Variants in EXOC2 observed in about 807,000 individuals in gnomAD.
EXOC2 encodes the protein SEC5-like 1.
EXOC2 carries 70 observed loss-of-function variants against 131.8 expected under a neutral mutation model. The observed-to-expected ratio is 0.53, with a 90% CI of 0.44 to 0.65. EXOC2 has a LOEUF of 0.65. Among genes scored for constraint, EXOC2 ranks in the 30% least tolerant of loss-of-function variants. EXOC2 has a pLI of 0.00. For synonymous variants in EXOC2, 411 were observed against 398.4 expected (o/e 1.03, Z -0.38); for missense variants, 923 against 1,108.6 (o/e 0.83, Z 2.38).
intron 1 of EXOC2, among the ~76,000 whole-genome samples, chr6:674,578 C>T (rs1421281322): frequency 6.6e-6 from 1 of 152,012 alleles, no homozygotes; most frequent in Admixed American, 6.6e-5. Context: ...AAGGCTTTTT[C>T]TCATACTCTT....
intron 17 of EXOC2, 117 bp downstream of exon 17, chr6:562,667 A>G: frequency 1.7e-6 from 1 of 585,084 alleles, no homozygotes; most frequent in East Asian, 3.3e-5. Flanking sequence ...ACCTTTAAGA[A>G]GCTTCTATTT....
intron 2 of EXOC2, among the ~76,000 whole-genome samples, chr6:634,538 C>T (rs963522812): frequency 1.3e-5 from 2 of 152,170 alleles, no homozygotes; most frequent in Non-Finnish European, 1.5e-5. Context: ...AAAGTCAAAT[C>T]ATCTTTTGTT....
chr6:518,652 T>G (rs1281222530), intron 23 of EXOC2, among the ~76,000 whole-genome samples: 1 of 152,136 alleles, frequency 6.6e-6, no homozygotes, highest in East Asian at 1.9e-4. Flanking sequence ...CCTAAAGCAT[T>G]GGACAAATGG....
chr6:546,482 A>T (rs79738740), intron 22 of EXOC2, among the ~76,000 whole-genome samples: 4,316 of 152,252 alleles, frequency 0.028, 211 homozygotes, highest in African/African-American at 0.1. Context: ...TCCTATTTTC[A>T]TTTCTTTGGT....
Position 501,014 on chromosome 6 carries a change from G to C in EXOC2, c.2381-1314C>G, listed in dbSNP as rs1455291874. On this transcript the variant is annotated intron_variant, in intron 23 of 27. Transcript: ENST00000230449. ...ATACAGATCAATATCAAGGGCATAG[G>C]TATATATCGAGATATATATAGAGAC... Among the ~76,000 whole-genome samples, 3 of 142,894 alleles carry C rather than the reference G, an allele frequency of 2.1e-5. No individual in the cohort carries two copies. The East Asian group carries it at 6.0e-4, about 29-fold the overall frequency. 93.7% of individuals were successfully genotyped at this position (142,894 alleles called of 152,430 possible).
At chr6:569,070 T>C (rs996760554) in intron 13 of EXOC2, among the ~76,000 whole-genome samples, 1 of 152,248 alleles carries the variant, frequency 6.6e-6, no homozygotes, top group Non-Finnish European at 1.5e-5. Context: ...AAGTTTGCCC[T>C]ATTTTTAAAA....
intron 23 of EXOC2, among the ~76,000 whole-genome samples, chr6:500,390 T>C (rs896274761): frequency 6.6e-6 from 1 of 152,166 alleles, no homozygotes; most frequent in African/African-American, 2.4e-5. Context: ...ACACACAGGA[T>C]TTAAGAATGT....
At chr6:685,869 C>CTTTTTTTTTTTTTTTTTTTTTTTTTTTT (rs58892194) in intron 1 of EXOC2, among the ~76,000 whole-genome samples, 3 of 98,238 alleles carry the variant, frequency 3.1e-5, no homozygotes, top group Non-Finnish European at 4.1e-5. Flanking sequence ...TCCTGGACCT[C>CTTTTTTTTTTTTTTTTTTTTTTTTTTTT]TTTTTTTTTT....
At chr6:548,938 T>C (rs1004433150) in intron 22 of EXOC2, among the ~76,000 whole-genome samples, 6 of 152,174 alleles carry the variant, frequency 3.9e-5, no homozygotes, top group Admixed American at 1.3e-4. Flanking sequence ...AGCTGTAACC[T>C]TGAGGGAGCT....
At chr6:674,348 CTTAT>C (rs869310165) in intron 1 of EXOC2, among the ~76,000 whole-genome samples, 1 of 151,780 alleles carries the variant, frequency 6.6e-6, no homozygotes, top group East Asian at 1.9e-4. Context: ...TTGGAAGTGA[CTTAT>C]TTATTTACTC....
At chr6:602,927 A>G (rs1304832240) in intron 7 of EXOC2, among the ~76,000 whole-genome samples, 1 of 152,238 alleles carries the variant, frequency 6.6e-6, no homozygotes, top group Non-Finnish European at 1.5e-5. Context: ...TAACAACGGA[A>G]CAAACATCTT....
intron 21 of EXOC2, among the ~76,000 whole-genome samples, chr6:551,920 A>C (rs1757163510): frequency 6.6e-6 from 1 of 152,142 alleles, no homozygotes; most frequent in Admixed American, 6.5e-5. Flanking sequence ...TGGCACCCTC[A>C]ACATTATTTT....
In EXOC2 at chr6:629,827, G is replaced by T. The variant is rs1220631500; in HGVS notation, c.422+8C>A. The T allele has an allele frequency of 6.2e-7, 1 of 1,612,818 alleles. No individual in the cohort carries two copies. Among genetic ancestry groups the T allele is most frequent in the Admixed American group, 1.7e-5 (1 of 59,774 alleles). Reference sequence around the variant, plus strand: ...AATAAAGAAGACTGAAAGCAAGATGGTACTCACTTTTCAATCTCAATGCCA... The same window carrying T: ...AATAAAGAAGACTGAAAGCAAGATGTTACTCACTTTTCAATCTCAATGCCA... On this transcript the variant is annotated splice_region_variant and intron_variant, in intron 4 of 27. Transcript: ENST00000230449.
intron 4 of EXOC2, among the ~76,000 whole-genome samples, chr6:629,091 A>G (rs532773018): frequency 6.6e-6 from 1 of 152,298 alleles, no homozygotes; most frequent in Admixed American, 6.5e-5. Context: ...AGATTATTGG[A>G]GAATTTTCCC....
chr6:656,713 T>G (rs1763124503), intron 1 of EXOC2: 14 of 1,601,850 alleles, frequency 8.7e-6, no homozygotes, highest in Non-Finnish European at 1.2e-5. Context: ...TCCAGGTGGA[T>G]CTCATCGAGA....
intron 1 of EXOC2, among the ~76,000 whole-genome samples, chr6:671,221 G>A (rs1268083356): frequency 6.6e-6 from 1 of 151,924 alleles, no homozygotes; most frequent in Non-Finnish European, 1.5e-5. Context: ...GCCAGGCTTG[G>A]TGATGCACTC....
intron 3 of EXOC2, 61 bp from the exon 4 acceptor site, chr6:630,022 C>A: frequency 6.3e-7 from 1 of 1,587,260 alleles, no homozygotes; most frequent in Non-Finnish European, 8.6e-7. Flanking sequence ...CCTTCTACGT[C>A]TGGCCTATTG....
intron 6 of EXOC2, among the ~76,000 whole-genome samples, chr6:610,875 C>T (rs1342215904): frequency 3.9e-5 from 6 of 152,170 alleles, no homozygotes; most frequent in Non-Finnish European, 1.5e-5. Context: ...CAGACTGCTC[C>T]TCTATCAAAG....
chr6:622,097 T>C (rs749716149), intron 4 of EXOC2, among the ~76,000 whole-genome samples: 3 of 152,214 alleles, frequency 2.0e-5, no homozygotes, highest in Non-Finnish European at 4.4e-5. Flanking sequence ...TCAACTCAGC[T>C]AGAAAGAATG....
Sources: allele counts gnomAD v4.1 joint callset (sites outside exome capture counted in the v4.1 genomes callset), GRCh38; gene constraint gnomAD v4.1.1; transcripts MANE v1.5; gene names NCBI Gene and HGNC (gene_info 2026-07-23, HGNC 2026-07-21).